GHR: variants seen among roughly 807,000 people sequenced by gnomAD.
GHR encodes the protein growth hormone receptor.
In GHR, 35 loss-of-function variants were observed where a neutral mutation model predicts 67.1. The observed-to-expected ratio is 0.52, with a 90% confidence interval of 0.40 to 0.69. The LOEUF is 0.69. GHR is among the 30% of genes least tolerant of loss of function. The pLI is 0.00. For missense variants in GHR, 792 were observed against 764.6 expected, an observed-to-expected ratio of 1.04 and a Z score of -0.42; for synonymous variants, 272 against 269.1, an observed-to-expected ratio of 1.01 and a Z score of -0.10.
At chr5:42,479,313 C>A (rs1254923621) in intron 1 of GHR, among the ~76,000 whole-genome samples, 1 of 152,130 alleles carries the variant, frequency 6.6e-6, no homozygotes, top group Non-Finnish European at 1.5e-5. Context: ...ATTTTTGCAT[C>A]AATGTTCATC....
chr5:42,425,085 G>C (rs1194583878), intron 1 of GHR: 1 of 840,992 alleles, frequency 1.2e-6, no homozygotes, highest in East Asian at 1.2e-4. Context: ...TTTCTGCATA[G>C]GATTAAGTAT....
intron 1 of GHR, among the ~76,000 whole-genome samples, chr5:42,534,136 A>ATGTATATATGTATGTATATATATGTACG (rs1748109816): frequency 2.1e-5 from 3 of 142,904 alleles, no homozygotes; most frequent in African/African-American, 8.4e-5. Flanking sequence ...ATATATGTAC[A>ATGTATATATGTATGTATATATATGTACG]TATGTATATA....
At position 42,711,311 on chromosome 5, in the gene GHR, C is replaced by T. The variant is rs1260870046; in HGVS notation, c.723C>T (p.Gly241=). The T allele has an allele frequency of 1.2e-6, 2 of 1,612,208 alleles. No individual in the cohort carries two copies. Among genetic ancestry groups the T allele is most frequent in the South Asian group, 1.1e-5 (1 of 91,038 alleles). The change falls in exon 7 of 10, where the codon GGC becomes GGT. Residue 241 remains glycine (G), a synonymous_variant. Transcript: ENST00000230882. ...AACAACGAAACTCTGGAAATTATGG[C>T]GAGTTCAGTGAGGTGCTCTATGTAA... ...RSKQRNSGNY[G]EFSEVLYVTL...
intron 1 of GHR, among the ~76,000 whole-genome samples, chr5:42,501,980 G>T (rs898050048): frequency 6.6e-6 from 1 of 152,124 alleles, no homozygotes; most frequent in African/African-American, 2.4e-5. Context: ...AGAAGTGCGG[G>T]TCATCATCCA....
At chr5:42,522,186 T>C (rs1448888450) in intron 1 of GHR, among the ~76,000 whole-genome samples, 1 of 152,208 alleles carries the variant, frequency 6.6e-6, no homozygotes, top group Non-Finnish European at 1.5e-5. Context: ...AAAGGCCATT[T>C]GTTGATTGAG....
At chr5:42,537,789 C>A (rs1369296786) in intron 1 of GHR, among the ~76,000 whole-genome samples, 3 of 151,992 alleles carry the variant, frequency 2.0e-5, no homozygotes, top group Non-Finnish European at 4.4e-5. Flanking sequence ...GTTGCTGTTT[C>A]TCTCATTTCT....
intron 1 of GHR, among the ~76,000 whole-genome samples, chr5:42,523,956 C>T (rs185329660): frequency 1.1e-4 from 16 of 152,280 alleles, no homozygotes; most frequent in African/African-American, 2.6e-4. Flanking sequence ...CTTTTGCCCC[C>T]AGCCATGATT....
chr5:42,657,303 G>C (rs369234335), intron 3 of GHR, among the ~76,000 whole-genome samples: 1 of 152,098 alleles, frequency 6.6e-6, no homozygotes, highest in Admixed American at 6.5e-5. Context: ...AGGTCCAGGT[G>C]ACTGTTAAGG....
intron 3 of GHR, among the ~76,000 whole-genome samples, chr5:42,649,890 T>C (rs1561196855): frequency 6.6e-6 from 1 of 152,170 alleles, no homozygotes; most frequent in Non-Finnish European, 1.5e-5. Context: ...TTGAGAAAAC[T>C]GAAAATTTTC....
At chr5:42,702,862 T>C (rs1340780432) in intron 6 of GHR, among the ~76,000 whole-genome samples, 3 of 152,112 alleles carry the variant, frequency 2.0e-5, no homozygotes, top group Non-Finnish European at 2.9e-5. Flanking sequence ...TTCTATATCT[T>C]CTTTTTAAAA....
At chr5:42,652,791 G>A (rs185754140) in intron 3 of GHR, among the ~76,000 whole-genome samples, 179 of 152,234 alleles carry the variant, frequency 1.2e-3, no homozygotes, top group Admixed American at 5.1e-3. Context: ...ACAAGGAAGA[G>A]AAGTGACTTG....
intron 1 of GHR, among the ~76,000 whole-genome samples, chr5:42,433,353 T>C (rs1249909702): frequency 2.0e-5 from 3 of 152,184 alleles, no homozygotes; most frequent in African/African-American, 7.2e-5. Flanking sequence ...GTTGAATAAA[T>C]AAGTTTTTTT....
chr5:42,696,994 G>A (rs145673368), intron 5 of GHR, among the ~76,000 whole-genome samples: 12 of 152,286 alleles, frequency 7.9e-5, no homozygotes, highest in East Asian at 5.8e-4. Flanking sequence ...AATGTGAAAC[G>A]TAGATTGGAG....
intron 2 of GHR, among the ~76,000 whole-genome samples, chr5:42,592,726 G>A (rs1417111953): frequency 9.9e-5 from 15 of 152,006 alleles, no homozygotes; most frequent in Non-Finnish European, 7.4e-5. Flanking sequence ...GTGAACATAC[G>A]TGTGTGTGTG....
At chr5:42,451,939 T>G (rs1190752435) in intron 1 of GHR, among the ~76,000 whole-genome samples, 2 of 152,196 alleles carry the variant, frequency 1.3e-5, no homozygotes, top group Admixed American at 1.3e-4. Context: ...TACTGTTCTA[T>G]TCATTATGTT....
At chr5:42,445,512 G>T (rs910340288) in intron 1 of GHR, among the ~76,000 whole-genome samples, 2 of 152,100 alleles carry the variant, frequency 1.3e-5, no homozygotes, top group Admixed American at 6.5e-5. Flanking sequence ...GCCTGGAAAA[G>T]GGCTCAGTGG....
At chr5:42,695,760 C>A (rs1199574847) in intron 5 of GHR, among the ~76,000 whole-genome samples, 2 of 152,106 alleles carry the variant, frequency 1.3e-5, no homozygotes, top group East Asian at 1.9e-4. Context: ...GTATAAATAG[C>A]AAAATAGAAA....
intron 1 of GHR, among the ~76,000 whole-genome samples, chr5:42,489,418 A>G (rs1267651811): frequency 2.6e-5 from 4 of 152,184 alleles, no homozygotes; most frequent in African/African-American, 9.7e-5. Context: ...TCTATTAGAA[A>G]CATAAATAAT....
chr5:42,596,102 G>A (rs1019626698), intron 2 of GHR, among the ~76,000 whole-genome samples: 1 of 152,174 alleles, frequency 6.6e-6, no homozygotes, highest in Non-Finnish European at 1.5e-5. Flanking sequence ...GTGAGAGTAC[G>A]AAGAAGAATC....
Sources: gnomAD v4.1 joint callset for allele counts (sites outside exome capture counted in the v4.1 genomes callset) on GRCh38, gnomAD v4.1.1 for gene constraint, MANE v1.5 for transcripts, NCBI Gene and HGNC (gene_info 2026-07-23, HGNC 2026-07-21) for gene names.